Variants in FAT3 observed in about 807,000 individuals in gnomAD.
FAT3 encodes FAT atypical cadherin 3.
A neutral mutation model predicts 310.2 loss-of-function variants in FAT3; 95 were observed. That is an observed-to-expected ratio of 0.31 (90% CI 0.26 to 0.36). The LOEUF is 0.36. FAT3 is among the 10% of genes least tolerant of loss of function. The probability of loss-of-function intolerance (pLI) is 1.00; values close to 1 mark genes in which losing one functional copy is unlikely to be tolerated. For synonymous variants in FAT3, 2,314 were observed against 2,192.9 expected (o/e 1.06, Z -1.54); for missense variants, 5,408 against 5,715.6 (o/e 0.95, Z 1.74).
chr11:92,689,760 G>T (rs1943744011), intron 3 of FAT3, among the ~76,000 whole-genome samples: 1 of 152,150 alleles, frequency 6.6e-6, no homozygotes, highest in Non-Finnish European at 1.5e-5. Flanking sequence ...GCATGCATGT[G>T]TGCATGAGGA....
chr11:92,574,926 A>G (rs1299090189), intron 3 of FAT3, among the ~76,000 whole-genome samples: 1 of 152,124 alleles, frequency 6.6e-6, no homozygotes, highest in Non-Finnish European at 1.5e-5. Context: ...TTCCCTCATT[A>G]ACTCAAGGTT....
rs1949897632 is a variant in FAT3, at chr11:92,890,685, C to G, written c.13342C>G (p.Gln4448Glu). The G allele has an allele frequency of 6.2e-7, 1 of 1,613,684 alleles. No homozygotes were observed. Among genetic ancestry groups the G allele is most frequent in the Non-Finnish European group, 8.5e-7 (1 of 1,179,792 alleles). The change falls in exon 28 of 28, where the codon CAG becomes GAG. Residue 4448 changes from glutamine to glutamate, a missense_variant. Coordinates refer to ENST00000525166, the MANE Select transcript of FAT3 (RefSeq NM_001367949.2). ...PPPHEEEFLS[Q>E]DQLPPPLPED... ...CCCTCATGAAGAGGAGTTCTTGAGT[C>G]AGGACCAGCTGCCTCCTCCTCTCCC...
At chr11:92,477,783 G>A (rs555498068) in intron 2 of FAT3, among the ~76,000 whole-genome samples, 246 of 152,296 alleles carry the variant, frequency 1.6e-3, no homozygotes, top group African/African-American at 5.6e-3. Context: ...TTTTTTCTAT[G>A]TCTGTATTAG....
At chr11:92,460,037 A>G (rs979357670) in intron 2 of FAT3, among the ~76,000 whole-genome samples, 12 of 151,866 alleles carry the variant, frequency 7.9e-5, no homozygotes, top group African/African-American at 2.9e-4. Flanking sequence ...CCAGGGACCT[A>G]TTTATTAGCC....
intron 1 of FAT3, among the ~76,000 whole-genome samples, chr11:92,319,707 T>C (rs1241079075): frequency 6.6e-6 from 1 of 152,180 alleles, no homozygotes; most frequent in Non-Finnish European, 1.5e-5. Context: ...TTATACAGTT[T>C]TGTAGATGCA....
intron 4 of FAT3, among the ~76,000 whole-genome samples, chr11:92,755,719 A>G (rs928928999): frequency 6.6e-6 from 1 of 152,236 alleles, no homozygotes; most frequent in Admixed American, 6.5e-5. Flanking sequence ...CTATCAAACC[A>G]CAAATGGGCT....
chr11:92,889,736 T>G, intron 26 of FAT3, 120 bp from the exon 27 acceptor site: 1 of 662,492 alleles, frequency 1.5e-6, no homozygotes, highest in Non-Finnish European at 2.8e-6. Flanking sequence ...AAGGCTAAAC[T>G]TAGTCGTAGC....
chr11:92,412,979 C>A (rs925934459), intron 2 of FAT3, among the ~76,000 whole-genome samples: 2 of 151,630 alleles, frequency 1.3e-5, no homozygotes, highest in Non-Finnish European at 2.9e-5. Context: ...CATTAGGGCT[C>A]ACCCTTGGTA....
intron 20 of FAT3, among the ~76,000 whole-genome samples, chr11:92,858,097 A>G (rs1157842829): frequency 6.6e-6 from 1 of 152,184 alleles, no homozygotes; most frequent in Non-Finnish European, 1.5e-5. Flanking sequence ...TAGTTGGAAT[A>G]AAAAAATAAC....
At chr11:92,762,728 C>A (rs1029603151) in intron 5 of FAT3, among the ~76,000 whole-genome samples, 1 of 152,102 alleles carries the variant, frequency 6.6e-6, no homozygotes, top group Non-Finnish European at 1.5e-5. Context: ...TAAAAACAAG[C>A]ACGGGCACCA....
At chr11:92,807,156 G>T (rs1409735375) in intron 12 of FAT3, among the ~76,000 whole-genome samples, 1 of 152,090 alleles carries the variant, frequency 6.6e-6, no homozygotes, top group Non-Finnish European at 1.5e-5. Flanking sequence ...ATTTCTTTTG[G>T]AAAGAAGTTT....
Position 92,883,291 on chromosome 11 carries a change from G to T in FAT3, c.12835G>T (p.Gly4279Cys), listed in dbSNP as rs2136417268. Reference protein sequence around the residue: ...ESPRILTARRGVVVCSVAPNL... With the variant: ...ESPRILTARRCVVVCSVAPNL... Reference sequence around the variant, plus strand: ...GCCCCGCATCCTGACAGCCCGGCGGGGCGTGGTCGTGTGCAGTGTGGCCCC... The same window carrying T: ...GCCCCGCATCCTGACAGCCCGGCGGTGCGTGGTCGTGTGCAGTGTGGCCCC... Residue 4279 changes from glycine (G) to cysteine (C), a missense_variant, in exon 24 of 28, where the codon GGC becomes TGC. This residue lies in a region of FAT3 where 649 missense variants were observed against 666.2 expected (regional missense o/e 0.97). Coordinates refer to ENST00000525166, the MANE Select transcript of FAT3 (RefSeq NM_001367949.2). The surrounding 1 kb of genome is among the most constrained non-coding windows in gnomAD (Gnocchi z 4.2). 1 of 1,612,692 alleles carries T rather than the reference G, an allele frequency of 6.2e-7. No individual in the cohort carries two copies. The highest frequency in any genetic ancestry group is 8.5e-7 in the Non-Finnish European group (1 of 1,179,838).
chr11:92,760,648 A>G (rs1946125510), intron 4 of FAT3, among the ~76,000 whole-genome samples: 1 of 152,192 alleles, frequency 6.6e-6, no homozygotes, highest in Non-Finnish European at 1.5e-5. Context: ...TCAATTGTGA[A>G]ATGGGAATAA....
intron 1 of FAT3, among the ~76,000 whole-genome samples, chr11:92,317,875 C>T (rs1287505794): frequency 6.6e-6 from 1 of 152,038 alleles, no homozygotes; most frequent in Admixed American, 6.6e-5. Context: ...TGCTAATAGT[C>T]GTTATTTTTT....
rs74702739 is a variant in FAT3 at position 92,892,414 on chromosome 11, T to C, written c.*1301T>C. ...ACTGCCAATAAAGCAAAATTGTGCT[T>C]TTTTTTTTTTTTCTCAAGACAGAGT... is the stretch of plus-strand genomic sequence containing the variant. On this transcript the variant is annotated 3_prime_UTR_variant, in exon 28 of 28. Coordinates refer to ENST00000525166, the MANE Select transcript of FAT3 (RefSeq NM_001367949.2). 2 of 44,014 alleles carry C rather than the reference T, an allele frequency of 4.5e-5. No individual in the cohort carries two copies. The highest frequency in any genetic ancestry group is 6.7e-5 in the Non-Finnish European group (1 of 15,002). The allele number at this position is 44,014 out of a possible 1,614,324, so 2.7% of individuals were successfully genotyped here.
rs1462087740 is a variant in FAT3 at position 92,895,393 on chromosome 11, C to G, written c.*4280C>G. 1 of 152,130 alleles carries G rather than the reference C, an allele frequency of 6.6e-6. No homozygotes were observed. Among genetic ancestry groups the G allele is most frequent in the Non-Finnish European group, 1.5e-5 (1 of 68,034 alleles). The allele number at this position is 152,130 out of a possible 1,614,324, so 9.4% of individuals were successfully genotyped here. ...GGGTTTGGCATCAATTAATATTTAG[C>G]CAGCTGGCTAAGAGATAGGAAAAGA... On this transcript the variant is annotated 3_prime_UTR_variant, in exon 28 of 28. Coordinates refer to ENST00000525166, the MANE Select transcript of FAT3 (RefSeq NM_001367949.2).
At position 92,674,717 on chromosome 11, in the gene FAT3, C is replaced by T. The variant is rs540140426; in HGVS notation, c.3608-22667C>T. Among the ~76,000 whole-genome samples the T allele has an allele frequency of 6.9e-4, 105 of 151,910 alleles. 2 individuals are homozygous for T. The highest frequency in any genetic ancestry group is 6.3e-3 in the Admixed American group (96 of 15,250). On this transcript the variant is annotated intron_variant, in intron 3 of 27. Transcript: ENST00000525166. Reference sequence around the variant, plus strand: ...TTTGTATTTTGTGTGTGTGTGGAGACGGGGTCTCGCTATGTTGCTCAGCCT... The same window carrying T: ...TTTGTATTTTGTGTGTGTGTGGAGATGGGGTCTCGCTATGTTGCTCAGCCT...
At chr11:92,590,113 G>A (rs148194133) in intron 3 of FAT3, among the ~76,000 whole-genome samples, 7 of 152,148 alleles carry the variant, frequency 4.6e-5, no homozygotes, top group Admixed American at 6.6e-5. Context: ...AGTTCTATGC[G>A]TGATTCAAGT....
At chr11:92,796,221 C>T (rs1320536187) in intron 9 of FAT3, among the ~76,000 whole-genome samples, 1 of 152,234 alleles carries the variant, frequency 6.6e-6, no homozygotes. Context: ...TCATTGCAAG[C>T]TTGAACGTTT....
Sources: allele counts gnomAD v4.1 joint callset (sites outside exome capture counted in the v4.1 genomes callset), GRCh38; gene constraint gnomAD v4.1.1; regional missense constraint gnomAD v4.1.1; non-coding constraint Gnocchi (gnomAD v3.1); transcripts MANE v1.5; gene names NCBI Gene and HGNC (gene_info 2026-07-23, HGNC 2026-07-21).